Variants in FBLN1 observed in about 807,000 individuals in gnomAD.
FBLN1 encodes fibulin-1.
FBLN1 carries 34 observed loss-of-function variants against 89.7 expected under a neutral mutation model. That is an observed-to-expected ratio of 0.38 (90% CI 0.29 to 0.50). The LOEUF is 0.50. Ranked by LOEUF, FBLN1 falls within the 20% of genes least tolerant of loss-of-function variation. FBLN1 has a pLI of 0.92. For missense variants in FBLN1, 777 were observed against 988.1 expected, an observed-to-expected ratio of 0.79 and a Z score of 2.86; for synonymous variants, 393 against 391.3, an observed-to-expected ratio of 1.00 and a Z score of -0.05.
rs138539092 is a variant in FBLN1 at position 45,525,661 on chromosome 22, G to A, written c.304G>A (p.Glu102Lys). The change falls in exon 3 of 17, where the codon GAG becomes AAG. Residue 102 changes from glutamate to lysine, a missense_variant. Transcript: ENST00000327858. ...GCCCCACGGTGACAACGCCAGCCTG[G>A]AGGCCACATTTGTGAAGGTGAGAGC... ...ATPHGDNASL[E>K]ATFVKRCCHC... 2.4e-5 allele frequency: 37 copies of A among 1,551,366 alleles called. No individual in the cohort carries two copies. In the Admixed American group the frequency reaches 5.1e-4, roughly 21 times the overall value.
Position 45,576,159 on chromosome 22 carries a change from C to G in FBLN1, c.1841-818C>G. Among the ~76,000 whole-genome samples, 1 of 152,200 alleles carries G rather than the reference C, an allele frequency of 6.6e-6. No homozygotes were observed. On this transcript the variant is annotated intron_variant, in intron 15 of 16. Coordinates refer to ENST00000327858, the MANE Select transcript of FBLN1 (RefSeq NM_006486.3). The surrounding 1 kb of genome is among the most constrained non-coding windows in gnomAD (Gnocchi z 5.2). ...ATAACGCTGAATCGTCACAGGGTGG[C>G]ACAGACTTGGGTCAGAGAAAATAAC...
rs2088803512 is a variant in FBLN1, at chr22:45,557,496, G to A, written c.1697+6881G>A. The stretch of plus-strand genomic sequence containing the variant: ...AGTGGCCATATCCAGGTCAGCCTTG[G>A]TGAGTGGAAGTCCATGTTGCTGAGC... On this transcript the variant is annotated intron_variant, in intron 14 of 16. Transcript: ENST00000327858. The surrounding 1 kb of genome is among the most constrained non-coding windows in gnomAD (Gnocchi z 4.9). Among the ~76,000 whole-genome samples the A allele has an allele frequency of 6.6e-6, 1 of 152,164 alleles. No individual in the cohort carries two copies. The highest frequency in any genetic ancestry group is 2.1e-4 in the South Asian group (1 of 4,826).
At chr22:45,513,281 A>C (rs1446873242) in intron 1 of FBLN1, among the ~76,000 whole-genome samples, 1 of 150,146 alleles carries the variant, frequency 6.7e-6, no homozygotes, top group Non-Finnish European at 1.5e-5. Flanking sequence ...TACGCATCAC[A>C]TGGGATTTGC....
chr22:45,520,678 C>A (rs2088238038), intron 2 of FBLN1, among the ~76,000 whole-genome samples: 1 of 152,188 alleles, frequency 6.6e-6, no homozygotes, highest in African/African-American at 2.4e-5. Context: ...CCGTGTAACC[C>A]CTCAACGTGC....
At chr22:45,520,038 C>T (rs1399923140) in intron 2 of FBLN1, among the ~76,000 whole-genome samples, 1 of 152,062 alleles carries the variant, frequency 6.6e-6, no homozygotes, top group African/African-American at 2.4e-5. Flanking sequence ...GTTGTGGTGG[C>T]GGGCGTCTGT....
At chr22:45,541,046 T>C (rs571155599) in intron 8 of FBLN1, among the ~76,000 whole-genome samples, 183 bp from the exon 9 acceptor site, 2 of 152,300 alleles carry the variant, frequency 1.3e-5, no homozygotes, top group Admixed American at 1.3e-4. Context: ...TGAGGCGGTA[T>C]GCAGTGATAA....
intron 8 of FBLN1, among the ~76,000 whole-genome samples, chr22:45,539,528 G>A (rs2088527726): frequency 6.6e-6 from 1 of 152,126 alleles, no homozygotes; most frequent in Non-Finnish European, 1.5e-5. Context: ...GGGGAGGAAG[G>A]AATGGGCCAG....
Position 45,576,278 on chromosome 22 carries a change from C to A in FBLN1, c.1841-699C>A, listed in dbSNP as rs1043162224. On this transcript the variant is annotated intron_variant, in intron 15 of 16. Transcript: ENST00000327858. This position sits in a 1 kb window ranked among gnomAD's most constrained non-coding sequence, Gnocchi z 5.2. ...CCAGTGGCTGGTTTTGTGGCCTCTC[C>A]GGCCAGCCCCGATCTGAGTGTTGGT... Among the ~76,000 whole-genome samples the A allele has an allele frequency of 6.6e-6, 1 of 152,178 alleles. No individual in the cohort carries two copies. The highest frequency in any genetic ancestry group is 1.5e-5 in the Non-Finnish European group (1 of 68,028).
At chr22:45,552,129 G>A (rs1456893397) in intron 14 of FBLN1, among the ~76,000 whole-genome samples, 1 of 152,238 alleles carries the variant, frequency 6.6e-6, no homozygotes, top group Non-Finnish European at 1.5e-5. Context: ...AGGCACCTGG[G>A]TAGACAGCCC....
Position 45,568,544 on chromosome 22 carries a change from GCT to G in FBLN1, c.1698-5965_1698-5964del, listed in dbSNP as rs1569260107. On this transcript the variant is annotated intron_variant, in intron 14 of 16. Transcript: ENST00000327858. ...GGGAATGCCTCTTCTGTAGGGGAATGCTCCTTCTGTAGGGCATGCTCCTTCTG... is the reference window on the plus strand; with the variant it reads ...GGGAATGCCTCTTCTGTAGGGGAATGCCTTCTGTAGGGCATGCTCCTTCTG... Among the ~76,000 whole-genome samples, 37 of 140,262 alleles carry G rather than the reference GCT, an allele frequency of 2.6e-4. 1 individual carries two copies. Among genetic ancestry groups the G allele is most frequent in the African/African-American group, 9.1e-4 (29 of 31,838 alleles). The allele number at this position is 140,262 out of a possible 152,430, so 92.0% of individuals were successfully genotyped here.
chr22:45,548,503 G>A, intron 12 of FBLN1, 110 bp from the exon 13 acceptor site: 1 of 1,463,334 alleles, frequency 6.8e-7, no homozygotes, highest in Non-Finnish European at 9.3e-7. Flanking sequence ...AGCTTGTCCT[G>A]TGCTGCTGCC....
rs1284608177 is a variant in FBLN1 at position 45,562,620 on chromosome 22, G to T, written c.1698-11891G>T. 6.6e-6 allele frequency among the ~76,000 whole-genome samples: 1 copy of T among 152,220 alleles called. No homozygotes were observed. Among genetic ancestry groups the T allele is most frequent in the Non-Finnish European group, 1.5e-5 (1 of 68,040 alleles). On this transcript the variant is annotated intron_variant, in intron 14 of 16. Transcript: ENST00000327858. The surrounding 1 kb of genome is among the most constrained non-coding windows in gnomAD (Gnocchi z 7.8). ...GGTGTGCCTGGGGAGTGCCCCTGGG[G>T]TGGGGCTCTGCCAGTGAGCAGGGGA...
In FBLN1 at chr22:45,542,195, G is replaced by A. The variant is rs780811854; in HGVS notation, c.1107G>A (p.Lys369=). 1.9e-6 allele frequency: 3 copies of A among 1,614,126 alleles called. No homozygotes were observed. The highest frequency in any genetic ancestry group is 2.7e-5 in the African/African-American group (2 of 74,946). Residue 369 remains lysine (K), a synonymous_variant, in exon 10 of 17, where the codon AAG becomes AAA. Coordinates refer to ENST00000327858, the MANE Select transcript of FBLN1 (RefSeq NM_006486.3). ...CGCCACCTGCTGAGCCCTGTGGGAA[G>A]GGACATCGCTGCGTGAACTCTCCCG... The part of the protein sequence containing the change: ...ECAPPAEPCG[K]GHRCVNSPGS...
rs2089005439 is a variant in FBLN1, at chr22:45,577,232, GGCCCAGC to G, written c.1972+128_1972+134del. On this transcript the variant is annotated intron_variant, in intron 16 of 16. Coordinates refer to ENST00000327858, the MANE Select transcript of FBLN1 (RefSeq NM_006486.3). This position sits in a 1 kb window ranked among gnomAD's most constrained non-coding sequence, Gnocchi z 6.6. ...AAATTCAAGCCCACCCAACCTTCAG[GGCCCAGC>G]GCCGAGGCCACCACAGCTCCCAATC... is the stretch of plus-strand genomic sequence containing the variant. 1.8e-6 allele frequency: 2 copies of G among 1,135,766 alleles called. No homozygotes were observed. The allele number at this position is 1,135,766 out of a possible 1,614,324, so 70.4% of individuals were successfully genotyped here.
chr22:45,600,030 C>T (rs1360751594), intron 16 of FBLN1, among the ~76,000 whole-genome samples: 1 of 152,240 alleles, frequency 6.6e-6, no homozygotes, highest in Admixed American at 6.5e-5. Flanking sequence ...AGCCCACACC[C>T]ACAACTTTCC....
chr22:45,535,504 T>A, intron 8 of FBLN1, 167 bp downstream of exon 8: 1 of 773,316 alleles, frequency 1.3e-6, no homozygotes, highest in Non-Finnish European at 2.1e-6. Context: ...CTTTAGCCGT[T>A]GTGGGCCATA....
At chr22:45,512,935 T>C (rs1035970369) in intron 1 of FBLN1, among the ~76,000 whole-genome samples, 1 of 152,184 alleles carries the variant, frequency 6.6e-6, no homozygotes, top group Non-Finnish European at 1.5e-5. Flanking sequence ...TTTGTTGTTG[T>C]TGTTCTTTTG....
chr22:45,505,326 G>A (rs369088949), intron 1 of FBLN1, among the ~76,000 whole-genome samples: 55 of 152,374 alleles, frequency 3.6e-4, no homozygotes, highest in Admixed American at 9.1e-4. Flanking sequence ...GGCCAGGGAG[G>A]ACTTGGCTTG....
chr22:45,546,070 A>G (rs2088622647), intron 11 of FBLN1, among the ~76,000 whole-genome samples: 1 of 152,088 alleles, frequency 6.6e-6, no homozygotes, highest in Non-Finnish European at 1.5e-5. Context: ...GAACTGCTTG[A>G]ATTCATGTCC....
Sources: allele counts gnomAD v4.1 joint callset (sites outside exome capture counted in the v4.1 genomes callset), GRCh38; gene constraint gnomAD v4.1.1; non-coding constraint Gnocchi (gnomAD v3.1); transcripts MANE v1.5; gene names NCBI Gene and HGNC (gene_info 2026-07-23, HGNC 2026-07-21).